Variants in TAF1D observed in about 807,000 individuals in gnomAD.
TAF1D encodes TATA box-binding protein-associated factor RNA polymerase I subunit D.
A neutral mutation model predicts 26.2 loss-of-function variants in TAF1D; 23 were observed. That is an observed-to-expected ratio of 0.88 (90% CI 0.63 to 1.25). The LOEUF (loss-of-function observed/expected upper bound fraction) is 1.25. TAF1D is among the 50% of genes most tolerant of loss of function. TAF1D has a pLI of 0.00. For missense variants in TAF1D, 299 were observed against 322.0 expected (o/e 0.93, Z 0.55); for synonymous variants, 100 against 105.6 (o/e 0.95, Z 0.33).
downstream of TAF1D, chr11:93,733,680 A>C (rs773260824): frequency 4.3e-6 from 2 of 468,394 alleles, no homozygotes; most frequent in South Asian, 3.2e-5. Context: ...TTGCTGAATC[A>C]CTTGAGCCCA....
downstream of TAF1D, chr11:93,735,458 G>T: frequency 1.9e-6 from 1 of 529,124 alleles, no homozygotes; most frequent in Non-Finnish European, 2.5e-6. Flanking sequence ...CAAGGCAGGC[G>T]GATCGCCTGA....
In TAF1D at chr11:93,735,876, C is replaced by T; in HGVS notation, c.*285G>A. On this transcript the variant is annotated 3_prime_UTR_variant, in exon 6 of 6. Transcript: ENST00000448108. ...ATCACTACATTTCATTGTTTCAATA[C>T]TCACAGGACACCTGTAAGCTCTTAT... is the stretch of plus-strand genomic sequence containing the variant. 1 of 1,150,306 alleles carries T rather than the reference C, an allele frequency of 8.7e-7. No individual in the cohort carries two copies. Among genetic ancestry groups the T allele is most frequent in the Non-Finnish European group, 1.1e-6 (1 of 934,708 alleles). The allele number at this position is 1,150,306 out of a possible 1,614,324, so 71.3% of individuals were successfully genotyped here. A position where few individuals can be genotyped will look rare whatever the true frequency, so the allele number is the denominator to read the frequency against.
In TAF1D at chr11:93,736,737, T is replaced by C. The variant is rs1451027013; in HGVS notation, c.650A>G (p.Asp217Gly). Residue 217 changes from aspartate to glycine, a missense_variant, in exon 5 of 6, where the codon GAT (aspartate) becomes GGT (glycine). By Grantham distance (94) the Asp-to-Gly change is moderately conservative. Coordinates refer to ENST00000448108, the MANE Select transcript of TAF1D (RefSeq NM_024116.4). The part of the protein sequence containing the change: ...PIEESTAEDE[D>G]ATHLEDNECD... ...TTCGTTATCTTCAAGATGTGTTGCATCCTCATCCTCTGCTCTGTAATATTA... is the reference window on the plus strand; with the variant it reads ...TTCGTTATCTTCAAGATGTGTTGCACCCTCATCCTCTGCTCTGTAATATTA... 2 of 1,611,036 alleles carry C rather than the reference T, an allele frequency of 1.2e-6. No homozygotes were observed. The highest frequency in any genetic ancestry group is 3.4e-5 in the Admixed American group (2 of 59,052).
chr11:93,734,390 TTC>T (rs1940204578), downstream of TAF1D: 1 of 278,714 alleles, frequency 3.6e-6, no homozygotes, highest in African/African-American at 2.2e-5. Flanking sequence ...AAATCCAAAG[TTC>T]TGATTATTGC....
In TAF1D at chr11:93,735,929, T is replaced by C; in HGVS notation, c.*232A>G. Reference sequence around the variant, plus strand: ...AGAAATCAAATGACAATTTCTCAAATTTTTCTATGTATTTTCTCTGGTGTT... The same window carrying C: ...AGAAATCAAATGACAATTTCTCAAACTTTTCTATGTATTTTCTCTGGTGTT... On this transcript the variant is annotated 3_prime_UTR_variant, in exon 6 of 6. Coordinates refer to ENST00000448108, the MANE Select transcript of TAF1D (RefSeq NM_024116.4). 2 of 1,280,430 alleles carry C rather than the reference T, an allele frequency of 1.6e-6. No individual in the cohort carries two copies. Among genetic ancestry groups the C allele is most frequent in the Non-Finnish European group, 2.0e-6 (2 of 1,015,380 alleles). 79.3% of individuals were successfully genotyped at this position (1,280,430 alleles called of 1,614,324 possible).
At chr11:93,733,761 G>A (rs377280059), downstream of TAF1D, 130 of 290,680 alleles carry the variant, frequency 4.5e-4, no homozygotes, top group Non-Finnish European at 7.6e-4. Flanking sequence ...GGGCTCAAGT[G>A]TTTCTCCTGC....
At chr11:93,733,638 A>G (rs747855136), downstream of TAF1D, 2 of 501,054 alleles carry the variant, frequency 4.0e-6, no homozygotes, top group Admixed American at 4.2e-5. Context: ...AAGACACAGG[A>G]TCTGCCATGT....
chr11:93,740,433 G>GAAAAA (rs59420824), intron 1 of TAF1D, among the ~76,000 whole-genome samples: 13 of 48,430 alleles, frequency 2.7e-4, no homozygotes, highest in African/African-American at 9.4e-4. Flanking sequence ...CCTGTCTCAG[G>GAAAAA]AAAAAAAAAA....
At chr11:93,739,144 T>C in intron 2 of TAF1D, 93 bp downstream of exon 2, 11 of 1,026,888 alleles carry the variant, frequency 1.1e-5, no homozygotes, top group Admixed American at 2.4e-5. Context: ...TTTTCCTTCT[T>C]TCCCAATTCC....
At chr11:93,739,020 T>A in intron 2 of TAF1D, 1 of 542,910 alleles carries the variant, frequency 1.8e-6, no homozygotes, top group Non-Finnish European at 3.2e-6. Flanking sequence ...AAGAATACAT[T>A]TTTTCTCGAC....
chr11:93,732,685 CCA>C (rs1939466630), downstream of TAF1D: 1 of 280,292 alleles, frequency 3.6e-6, no homozygotes, highest in African/African-American at 2.2e-5. Flanking sequence ...TAATCTTTGC[CCA>C]GTCTCTCTAT....
chr11:93,736,910 C>G, intron 4 of TAF1D, 154 bp downstream of exon 4: 1 of 1,100,962 alleles, frequency 9.1e-7, no homozygotes, highest in Non-Finnish European at 1.3e-6. Context: ...AACGGTGTGC[C>G]AAGCTTGGCT....
downstream of TAF1D, chr11:93,730,872 T>C (rs1008033378): frequency 2.3e-6 from 1 of 434,458 alleles, no homozygotes; most frequent in African/African-American, 2.0e-5. Context: ...CAAAGCAAAT[T>C]TGCATGATTC....
At chr11:93,733,748 G>T (rs771100727), downstream of TAF1D, 6 of 312,726 alleles carry the variant, frequency 1.9e-5, no homozygotes, top group South Asian at 1.9e-4. Context: ...GCCTCAAACC[G>T]CTGGGCTCAA....
rs890213281 is a variant in TAF1D, at chr11:93,735,811, G to T, written c.*350C>A. 4.7e-6 allele frequency: 5 copies of T among 1,067,038 alleles called. No homozygotes were observed. Among genetic ancestry groups the T allele is most frequent in the Middle Eastern group, 4.5e-4 (1 of 2,198 alleles). The allele number at this position is 1,067,038 out of a possible 1,614,324, so 66.1% of individuals were successfully genotyped here. A position where few individuals can be genotyped will look rare whatever the true frequency, so the allele number is the denominator to read the frequency against. ...TTCAAATCCCCTCTTCAAGATGGTT[G>T]GGTGTCAAGTTACTTTAAGATTTTC... On this transcript the variant is annotated 3_prime_UTR_variant, in exon 6 of 6. Coordinates refer to ENST00000448108, the MANE Select transcript of TAF1D (RefSeq NM_024116.4).
At chr11:93,741,009 G>A (rs1241183342) in intron 1 of TAF1D, among the ~76,000 whole-genome samples, 3 of 152,216 alleles carry the variant, frequency 2.0e-5, no homozygotes, top group African/African-American at 7.2e-5. Context: ...GAAAACCGGC[G>A]CGAGTAATGG....
At chr11:93,733,526 CAG>C (rs752426290), downstream of TAF1D, 22 of 518,950 alleles carry the variant, frequency 4.2e-5, no homozygotes, top group South Asian at 8.4e-5. Context: ...AGTAAAACCA[CAG>C]AGTTACTCTA....
Position 93,736,681 on chromosome 11 carries a change from AT to A in TAF1D, c.693+12del, listed in dbSNP as rs771630219. Reference sequence around the variant, plus strand: ...CTTCCCAAAATGGAATAGGAAAAAAATAAGTCACTTACTGCCAATTTGATAT... The same window carrying A: ...CTTCCCAAAATGGAATAGGAAAAAAAAAGTCACTTACTGCCAATTTGATAT... On this transcript the variant is annotated intron_variant, in intron 5 of 5. Transcript: ENST00000448108. 9 of 1,610,160 alleles carry A rather than the reference AT, an allele frequency of 5.6e-6. No homozygotes were observed. Among genetic ancestry groups the A allele is most frequent in the Admixed American group, 1.7e-5 (1 of 58,678 alleles).
At chr11:93,730,651 A>G (rs773948932), downstream of TAF1D, 1 of 537,036 alleles carries the variant, frequency 1.9e-6, no homozygotes, top group Non-Finnish European at 3.7e-6. Flanking sequence ...TGACCCATAC[A>G]AATGTCTTTT....
Sources: gnomAD v4.1 joint callset for allele counts (sites outside exome capture counted in the v4.1 genomes callset) on GRCh38, gnomAD v4.1.1 for gene constraint, MANE v1.5 for transcripts, NCBI Gene and HGNC (gene_info 2026-07-23, HGNC 2026-07-21) for gene names.